ATCAY: variants seen among roughly 807,000 people sequenced by gnomAD.
ATCAY encodes the protein caytaxin.
A neutral mutation model predicts 47.7 loss-of-function variants in ATCAY; 22 were observed. That is an observed-to-expected ratio of 0.46 (90% CI 0.33 to 0.66). ATCAY has a LOEUF of 0.66. Among genes scored for constraint, ATCAY ranks in the 30% least tolerant of loss-of-function variants. The pLI is 0.02. For missense variants in ATCAY, 452 were observed against 515.0 expected, an observed-to-expected ratio of 0.88 and a Z score of 1.18; for synonymous variants, 216 against 207.6, an observed-to-expected ratio of 1.04 and a Z score of -0.35.
intron 2 of ATCAY, among the ~76,000 whole-genome samples, chr19:3,900,278 GC>G (rs1193554350): frequency 2.0e-5 from 3 of 150,052 alleles, no homozygotes; most frequent in African/African-American, 7.4e-5. Flanking sequence ...TGCAGCCTCC[GC>G]CTCCCAGGCT....
At chr19:3,909,438 C>T (rs1479034736) in intron 6 of ATCAY, 48 bp from the exon 7 acceptor site, 9 of 1,596,844 alleles carry the variant, frequency 5.6e-6, no homozygotes, top group Non-Finnish European at 7.7e-6. Flanking sequence ...GTGTCCTGAC[C>T]CTGGACCCCT....
Position 3,908,389 on chromosome 19 carries a change from C to G in ATCAY, c.647+19C>G, listed in dbSNP as rs746196269. 1 of 1,559,388 alleles carries G rather than the reference C, an allele frequency of 6.4e-7. No homozygotes were observed. Among genetic ancestry groups the G allele is most frequent in the Non-Finnish European group, 8.7e-7 (1 of 1,149,184 alleles). On this transcript the variant is annotated intron_variant, in intron 6 of 12. Coordinates refer to ENST00000450849, the MANE Select transcript of ATCAY (RefSeq NM_033064.5). ...TCTTCCTGTGAGTCCCCGCCCGCGG[C>G]GAGCAGCCTCGGGCCAGCTCTGATG...
At chr19:3,888,234 A>G (rs2038681100) in intron 2 of ATCAY, among the ~76,000 whole-genome samples, 3 of 152,170 alleles carry the variant, frequency 2.0e-5, no homozygotes, top group Admixed American at 2.0e-4. Context: ...CCAGGAATTC[A>G]TCCATCCCCC....
intron 1 of ATCAY, among the ~76,000 whole-genome samples, chr19:3,883,065 C>T (rs2038616127): frequency 6.6e-6 from 1 of 152,002 alleles, no homozygotes; most frequent in East Asian, 1.9e-4. Context: ...CACCACTGCA[C>T]CCAGCCCCTA....
intron 12 of ATCAY, among the ~76,000 whole-genome samples, chr19:3,923,538 ATAGG>A (rs1172254156): frequency 1.3e-5 from 2 of 151,312 alleles, no homozygotes; most frequent in Non-Finnish European, 2.9e-5. Context: ...TAGATGGATG[ATAGG>A]TGGATGGATG....
chr19:3,917,144 G>A (rs2038973111), intron 9 of ATCAY, among the ~76,000 whole-genome samples: 1 of 152,076 alleles, frequency 6.6e-6, no homozygotes, highest in South Asian at 2.1e-4. Context: ...GCATCTATGG[G>A]CCAGGTGTGG....
intron 12 of ATCAY, among the ~76,000 whole-genome samples, chr19:3,923,871 GATGGATGGGTGC>G (rs1331953830): frequency 6.6e-6 from 1 of 151,530 alleles, no homozygotes; most frequent in Non-Finnish European, 1.5e-5. Context: ...TAGATAGGTG[GATGGATGGGTGC>G]ATGGATGGGT....
chr19:3,903,920 C>T (rs2038837146), intron 3 of ATCAY, among the ~76,000 whole-genome samples: 1 of 146,790 alleles, frequency 6.8e-6, no homozygotes, highest in African/African-American at 2.5e-5. Flanking sequence ...GGGCAGATCA[C>T]GAGGTCAGGA....
chr19:3,914,396 A>T (rs964285584), intron 9 of ATCAY, among the ~76,000 whole-genome samples: 1 of 151,958 alleles, frequency 6.6e-6, no homozygotes, highest in Non-Finnish European at 1.5e-5. Context: ...ATCTCATGAG[A>T]CTTACTCACT....
chr19:3,895,099 T>TGTCTTCCTTTATATACATG (rs1233149054), intron 2 of ATCAY: 1 of 456,146 alleles, frequency 2.2e-6, no homozygotes, highest in Non-Finnish European at 4.4e-6. Context: ...ATTTGCTTAT[T>TGTCTTCCTTTATATACATG]GTCTTCCTTT....
chr19:3,913,700 G>A, intron 8 of ATCAY, 58 bp from the exon 9 acceptor site: 1 of 1,384,228 alleles, frequency 7.2e-7, no homozygotes, highest in South Asian at 1.2e-5. Flanking sequence ...TCTGGACCTA[G>A]GTAACCCCCA....
chr19:3,902,463 G>T lies in ATCAY; in HGVS notation c.78-24G>T, dbSNP rs1457677220. The T allele has an allele frequency of 2.6e-6, 4 of 1,563,138 alleles. No individual in the cohort carries two copies. The East Asian group carries it at 9.6e-5, about 37-fold the overall frequency. ...GAATCTCTGGTGCCCGGCGACTGAT[G>T]CCTGTTCCTGGATGGGTCCGCAGGC... On this transcript the variant is annotated intron_variant, in intron 2 of 12. Coordinates refer to ENST00000450849, the MANE Select transcript of ATCAY (RefSeq NM_033064.5).
Position 3,924,896 on chromosome 19 carries a change from C to A in ATCAY, c.*304C>A. 2.6e-6 allele frequency: 1 copy of A among 380,828 alleles called. No homozygotes were observed. The highest frequency in any genetic ancestry group is 4.8e-6 in the Non-Finnish European group (1 of 207,198). The allele number at this position is 380,828 out of a possible 1,614,324, so 23.6% of individuals were successfully genotyped here. A position where few individuals can be genotyped will look rare whatever the true frequency, so the allele number is the denominator to read the frequency against. On this transcript the variant is annotated 3_prime_UTR_variant, in exon 13 of 13. Transcript: ENST00000450849. The stretch of plus-strand genomic sequence containing the variant: ...GGCAAGAAGCGCAGGGGGTGGCCCG[C>A]GTGGCGTCGGTGGCCTCCGCTCCTG...
At chr19:3,901,124 G>A (rs554392117) in intron 2 of ATCAY, among the ~76,000 whole-genome samples, 22 of 148,364 alleles carry the variant, frequency 1.5e-4, no homozygotes, top group African/African-American at 5.5e-4. Flanking sequence ...GGATGGTCTC[G>A]ATCTCCTGAC....
At chr19:3,890,388 G>A (rs908119052) in intron 2 of ATCAY, among the ~76,000 whole-genome samples, 19 of 141,748 alleles carry the variant, frequency 1.3e-4, no homozygotes, top group African/African-American at 4.0e-4. Context: ...TCAGCCTCCC[G>A]AGTAGCTGGG....
chr19:3,915,972 G>A (rs1246561281), intron 9 of ATCAY, among the ~76,000 whole-genome samples: 1 of 151,962 alleles, frequency 6.6e-6, no homozygotes, highest in Admixed American at 6.6e-5. Flanking sequence ...TTACAGGCAT[G>A]AGCCACTGCA....
At chr19:3,884,596 A>G (rs1330003652) in intron 1 of ATCAY, among the ~76,000 whole-genome samples, 1 of 152,168 alleles carries the variant, frequency 6.6e-6, no homozygotes, top group East Asian at 1.9e-4. Flanking sequence ...GGTCCAAGGC[A>G]CAAGAGGGAG....
intron 10 of ATCAY, among the ~76,000 whole-genome samples, chr19:3,918,566 C>CA (rs1261146729): frequency 1.0e-3 from 137 of 133,702 alleles, no homozygotes; most frequent in South Asian, 5.3e-3. Context: ...AAAAAAAAAA[C>CA]AAAAAAAAAC....
At chr19:3,887,550 G>A (rs923773515) in intron 2 of ATCAY, among the ~76,000 whole-genome samples, 37 of 151,034 alleles carry the variant, frequency 2.4e-4, no homozygotes, top group Admixed American at 1.2e-3. Flanking sequence ...GCAGTGGCGC[G>A]ATCTTGGCTC....
Sources: allele counts gnomAD v4.1 joint callset (sites outside exome capture counted in the v4.1 genomes callset), GRCh38; gene constraint gnomAD v4.1.1; transcripts MANE v1.5; gene names NCBI Gene and HGNC (gene_info 2026-07-23, HGNC 2026-07-21).